Variants in SEMA6A observed in about 807,000 individuals in gnomAD.
The protein encoded by SEMA6A is semaphorin 6A, also known as semaphorin-6A.
A neutral mutation model predicts 96.8 loss-of-function variants in SEMA6A; 25 were observed. The observed-to-expected ratio is 0.26, with a 90% CI of 0.19 to 0.36. The LOEUF (loss-of-function observed/expected upper bound fraction) is 0.36. Ranked by LOEUF, SEMA6A falls within the 10% of genes least tolerant of loss-of-function variation. SEMA6A has a pLI of 1.00. For synonymous variants in SEMA6A, 612 were observed against 518.0 expected, an observed-to-expected ratio of 1.18 and a Z score of -2.46; for missense variants, 1,363 against 1,323.1, an observed-to-expected ratio of 1.03 and a Z score of -0.47.
chr5:116,529,828 G>A (rs911213225), intron 1 of SEMA6A, among the ~76,000 whole-genome samples: 4 of 152,014 alleles, frequency 2.6e-5, no homozygotes, highest in African/African-American at 4.8e-5. Context: ...CAATAAACAC[G>A]GGAGGCTGCT....
chr5:116,510,326 A>G (rs530621148), intron 1 of SEMA6A, among the ~76,000 whole-genome samples: 21 of 152,254 alleles, frequency 1.4e-4, no homozygotes, highest in East Asian at 1.9e-4. Context: ...TTGTCTGTAC[A>G]GTGTGACTGC....
chr5:116,519,714 A>G (rs1039194514), intron 1 of SEMA6A, among the ~76,000 whole-genome samples: 6 of 152,056 alleles, frequency 3.9e-5, no homozygotes, highest in Admixed American at 2.0e-4. Context: ...CATTATACAT[A>G]TAATACAGAC....
chr5:116,489,262 C>G (rs1377712175), intron 7 of SEMA6A, among the ~76,000 whole-genome samples: 1 of 152,100 alleles, frequency 6.6e-6, no homozygotes, highest in Non-Finnish European at 1.5e-5. Flanking sequence ...AGCAGCAGCT[C>G]AGGGAACAGG....
intron 1 of SEMA6A, among the ~76,000 whole-genome samples, chr5:116,522,361 A>C (rs896711562): frequency 6.6e-6 from 1 of 152,184 alleles, no homozygotes; most frequent in Non-Finnish European, 1.5e-5. Context: ...CTAAACTAGA[A>C]AGAAAAAAGG....
intron 18 of SEMA6A, 49 bp from the exon 19 acceptor site, chr5:116,447,860 G>T: frequency 6.9e-7 from 1 of 1,449,340 alleles, no homozygotes; most frequent in Non-Finnish European, 9.2e-7. Flanking sequence ...CACACCCCGA[G>T]GCTTGTTTTT....
chr5:116,450,770 GGGGAGGCAGA>G (rs1754576223), intron 18 of SEMA6A, among the ~76,000 whole-genome samples: 1 of 152,158 alleles, frequency 6.6e-6, no homozygotes, highest in South Asian at 2.1e-4. Context: ...ATCTATCCAT[GGGGAGGCAGA>G]GGGCTTTCCT....
At chr5:116,483,831 A>AGGT (rs1438505777) in intron 10 of SEMA6A, among the ~76,000 whole-genome samples, 1 of 152,152 alleles carries the variant, frequency 6.6e-6, no homozygotes, top group African/African-American at 2.4e-5. Context: ...TGGGAGGCTG[A>AGGT]GGTGGGTGGA....
intron 18 of SEMA6A, among the ~76,000 whole-genome samples, chr5:116,463,730 T>C (rs1206845678): frequency 2.6e-5 from 4 of 152,210 alleles, no homozygotes; most frequent in Non-Finnish European, 5.9e-5. Context: ...ACTCTGGCAT[T>C]TCTGATTAAA....
chr5:116,473,192 G>C, intron 16 of SEMA6A, 99 bp from the exon 17 acceptor site: 1 of 1,179,434 alleles, frequency 8.5e-7, no homozygotes, highest in Admixed American at 2.1e-5. Flanking sequence ...CTATGCCAGC[G>C]TATGGTCCCC....
At chr5:116,560,637 T>C (rs1042710268) in intron 1 of SEMA6A, among the ~76,000 whole-genome samples, 1 of 152,100 alleles carries the variant, frequency 6.6e-6, no homozygotes, top group Non-Finnish European at 1.5e-5. Context: ...TTCAACCTTC[T>C]GTCCCTCCAG....
chr5:116,474,520 G>T (rs866486037), intron 16 of SEMA6A, among the ~76,000 whole-genome samples: 5 of 152,084 alleles, frequency 3.3e-5, no homozygotes, highest in African/African-American at 1.2e-4. Flanking sequence ...TATAATATTT[G>T]TAAATGAAAA....
At chr5:116,496,479 G>T (rs149240336) in intron 4 of SEMA6A, among the ~76,000 whole-genome samples, 166 bp from the exon 5 acceptor site, 252 of 152,248 alleles carry the variant, frequency 1.7e-3, no homozygotes, top group African/African-American at 5.8e-3. Context: ...GATTCCAGAT[G>T]AAAACGTCCG....
chr5:116,494,434 C>T (rs1022291428), intron 6 of SEMA6A, among the ~76,000 whole-genome samples: 1 of 152,148 alleles, frequency 6.6e-6, no homozygotes, highest in African/African-American at 2.4e-5. Context: ...GATCCCTGCC[C>T]TTGTAGAGCC....
intron 16 of SEMA6A, among the ~76,000 whole-genome samples, chr5:116,474,309 C>CACACAT (rs1491092297): frequency 1.4e-5 from 2 of 147,988 alleles, no homozygotes; most frequent in African/African-American, 4.9e-5. Flanking sequence ...CACACACACA[C>CACACAT]ATCTTAAAAC....
intron 1 of SEMA6A, among the ~76,000 whole-genome samples, chr5:116,564,356 T>C (rs1760940437): frequency 1.3e-5 from 2 of 152,392 alleles, no homozygotes; most frequent in South Asian, 2.1e-4. Context: ...TTTTCACTTA[T>C]GCTTTGCATG....
intron 9 of SEMA6A, chr5:116,487,210 G>C (rs1757096863): frequency 2.3e-6 from 1 of 439,472 alleles, no homozygotes; most frequent in African/African-American, 2.0e-5. Flanking sequence ...CAGGGAATCA[G>C]CTCCGAGCCA....
chr5:116,562,954 C>A (rs1424881621), intron 1 of SEMA6A: 1 of 579,232 alleles, frequency 1.7e-6, no homozygotes, highest in Admixed American at 2.0e-5. Flanking sequence ...AGAGGACGTC[C>A]CCCCCATCCT....
intron 1 of SEMA6A, among the ~76,000 whole-genome samples, chr5:116,549,274 C>G (rs1324306631): frequency 2.0e-5 from 3 of 152,084 alleles, no homozygotes; most frequent in Admixed American, 6.6e-5. Flanking sequence ...GGAATAAGTT[C>G]CCCCATTCCA....
intron 1 of SEMA6A, among the ~76,000 whole-genome samples, chr5:116,545,912 A>G (rs1055710701): frequency 6.6e-6 from 1 of 152,214 alleles, no homozygotes; most frequent in Non-Finnish European, 1.5e-5. Flanking sequence ...GCCATTCATC[A>G]TAACTCTGCA....
Sources: gnomAD v4.1 joint callset for allele counts (sites outside exome capture counted in the v4.1 genomes callset) on GRCh38, gnomAD v4.1.1 for gene constraint, MANE v1.5 for transcripts, NCBI Gene and HGNC (gene_info 2026-07-23, HGNC 2026-07-21) for gene names.